Variants in ITGA9 observed in about 807,000 individuals in gnomAD.
ITGA9 encodes the protein integrin alpha-9.
In ITGA9, 56 loss-of-function variants were observed where a neutral mutation model predicts 127.8. The ratio of observed to expected loss-of-function variants is 0.44; its 90% CI spans 0.35 to 0.55. The LOEUF is 0.55. ITGA9 is among the 20% of genes least tolerant of loss of function. ITGA9 has a pLI of 0.00. For missense variants in ITGA9, 1,196 were observed against 1,347.1 expected (o/e 0.89, Z 1.76); for synonymous variants, 508 against 514.5 (o/e 0.99, Z 0.17).
intron 23 of ITGA9, among the ~76,000 whole-genome samples, chr3:37,766,773 A>G (rs1696784439): frequency 6.6e-6 from 1 of 152,180 alleles, no homozygotes; most frequent in African/African-American, 2.4e-5. Flanking sequence ...AAAATATTTC[A>G]TTATCTGTGG....
intron 4 of ITGA9, 67 bp downstream of exon 4, chr3:37,481,674 C>G: frequency 2.5e-6 from 4 of 1,580,530 alleles, no homozygotes; most frequent in Non-Finnish European, 2.6e-6. Flanking sequence ...CTTCCCACCT[C>G]TATGCACCAC....
chr3:37,521,037 G>A (rs1396171344), intron 11 of ITGA9, among the ~76,000 whole-genome samples: 1 of 152,134 alleles, frequency 6.6e-6, no homozygotes, highest in Non-Finnish European at 1.5e-5. Context: ...TGGGAAGCAG[G>A]GATAGCATCT....
Position 37,542,570 on chromosome 3 carries a change from T to G in ITGA9, c.1674T>G (p.Tyr558Ter). The G allele has an allele frequency of 1.2e-6, 2 of 1,614,148 alleles. No homozygotes were observed. Among genetic ancestry groups the G allele is most frequent in the Non-Finnish European group, 1.7e-6 (2 of 1,180,022 alleles). ...ACATGGAGGAGACGTGTCGTCACTA[T>G]GTGGCCCATGTGAAGGTCAGTCCTC... is the stretch of plus-strand genomic sequence containing the variant. ...LTYMEETCRH[Y>*]VAHVKRRVQD... Residue 558 changes from tyrosine to a stop codon, truncating the protein, a stop_gained, in exon 15 of 28, where the codon TAT becomes TAG. Transcript: ENST00000264741. LOFTEE classifies it high-confidence loss of function.
intron 25 of ITGA9, 63 bp from the exon 26 acceptor site, chr3:37,784,914 C>A: frequency 7.2e-7 from 1 of 1,385,758 alleles, no homozygotes. Flanking sequence ...TGCCCAGTCC[C>A]TCTCAAGGCC....
chr3:37,702,601 G>A (rs542021430), intron 18 of ITGA9, among the ~76,000 whole-genome samples: 1 of 152,060 alleles, frequency 6.6e-6, no homozygotes, highest in South Asian at 2.1e-4. Context: ...AAAAAATGAG[G>A]TGGCTGCTCT....
intron 18 of ITGA9, among the ~76,000 whole-genome samples, chr3:37,715,343 TA>T (rs1376843536): frequency 6.6e-6 from 1 of 152,170 alleles, no homozygotes; most frequent in Non-Finnish European, 1.5e-5. Context: ...GGGAGGTACT[TA>T]AGGCACCACT....
chr3:37,735,654 C>T (rs1696351861), intron 19 of ITGA9, among the ~76,000 whole-genome samples: 1 of 152,188 alleles, frequency 6.6e-6, no homozygotes, highest in African/African-American at 2.4e-5. Flanking sequence ...GTGGTGGAAC[C>T]TGGTCCTGTG....
intron 4 of ITGA9, among the ~76,000 whole-genome samples, chr3:37,483,029 A>G (rs907925631): frequency 1.3e-5 from 2 of 152,184 alleles, no homozygotes; most frequent in Non-Finnish European, 2.9e-5. Flanking sequence ...CTTTTTCCTA[A>G]GGAAGAAAAA....
intron 15 of ITGA9, among the ~76,000 whole-genome samples, chr3:37,600,186 TA>T (rs1185759401): frequency 6.6e-6 from 1 of 152,142 alleles, no homozygotes; most frequent in Non-Finnish European, 1.5e-5. Context: ...ACTTAGTCAA[TA>T]AAAAATAAGC....
chr3:37,604,744 A>G (rs1354346701), intron 15 of ITGA9, among the ~76,000 whole-genome samples: 1 of 152,064 alleles, frequency 6.6e-6, no homozygotes, highest in Non-Finnish European at 1.5e-5. Context: ...AGTATTTCTC[A>G]CTCACCCCTT....
At chr3:37,575,582 AAGC>A (rs1443485358) in intron 15 of ITGA9, among the ~76,000 whole-genome samples, 1 of 152,128 alleles carries the variant, frequency 6.6e-6, no homozygotes. Context: ...CAAGAAAGGA[AAGC>A]AGCTCTGCCC....
At chr3:37,731,938 C>T (rs6550504) in intron 18 of ITGA9, among the ~76,000 whole-genome samples, 52,985 of 152,080 alleles carry the variant, frequency 0.35, 11,494 homozygotes, top group African/African-American at 0.62. Context: ...GATGTGAGTC[C>T]TGGAAATTGG....
intron 26 of ITGA9, among the ~76,000 whole-genome samples, chr3:37,794,892 A>G (rs1212439942): frequency 2.6e-5 from 4 of 152,208 alleles, no homozygotes; most frequent in African/African-American, 9.7e-5. Context: ...TGTCGTCTCC[A>G]TAAGTCTCCC....
chr3:37,688,545 G>A lies in ITGA9; in HGVS notation c.2067+4530G>A, dbSNP rs948211521. ...TCTGCTTCACTTTCTTCAGGAAGGA[G>A]TTCAGACTCCTCAGCTCCTCATGAG... On this transcript the variant is annotated intron_variant, in intron 18 of 27. Transcript: ENST00000264741. 1.5e-4 allele frequency among the ~76,000 whole-genome samples: 23 copies of A among 152,286 alleles called. No homozygotes were observed. The East Asian group carries it at 4.4e-3, about 29-fold the overall frequency.
At chr3:37,572,172 G>A (rs947559387) in intron 15 of ITGA9, among the ~76,000 whole-genome samples, 1 of 152,110 alleles carries the variant, frequency 6.6e-6, no homozygotes, top group Non-Finnish European at 1.5e-5. Flanking sequence ...CACACCAAGT[G>A]TGTTAGAGAC....
intron 15 of ITGA9, among the ~76,000 whole-genome samples, chr3:37,566,660 C>T (rs1416541525): frequency 6.6e-6 from 1 of 152,170 alleles, no homozygotes; most frequent in Non-Finnish European, 1.5e-5. Context: ...AGCTTGGCTA[C>T]AGAGGAGAAA....
chr3:37,700,940 G>T (rs952101395), intron 18 of ITGA9, among the ~76,000 whole-genome samples: 4 of 152,214 alleles, frequency 2.6e-5, no homozygotes, highest in Admixed American at 2.6e-4. Context: ...AATCAGAAAT[G>T]GAGAAATGCT....
At position 37,594,794 on chromosome 3, in the gene ITGA9, T is replaced by C. The variant is rs116601378; in HGVS notation, c.1690-34393T>C. ...ATATGGTGGGTGTTAAATATATATT[T>C]TGGGGAACGGGGTCTCGCTATGTTG... On this transcript the variant is annotated intron_variant, in intron 15 of 27. Coordinates refer to ENST00000264741, the MANE Select transcript of ITGA9 (RefSeq NM_002207.3). 2.5e-3 allele frequency among the ~76,000 whole-genome samples: 376 copies of C among 152,282 alleles called. 3 individuals carry two copies. The highest frequency in any genetic ancestry group is 8.8e-3 in the African/African-American group (365 of 41,562).
chr3:37,757,172 A>T (rs894890794), intron 23 of ITGA9, among the ~76,000 whole-genome samples: 4 of 151,924 alleles, frequency 2.6e-5, no homozygotes, highest in African/African-American at 9.7e-5. Flanking sequence ...AAGACAAAGC[A>T]TATCCTGAAA....
Sources: allele counts gnomAD v4.1 joint callset (sites outside exome capture counted in the v4.1 genomes callset), GRCh38; gene constraint gnomAD v4.1.1; transcripts MANE v1.5; gene names NCBI Gene and HGNC (gene_info 2026-07-23, HGNC 2026-07-21).